The following RGS6 variants were observed in gnomAD, a reference collection of about 807,000 sequenced individuals.
RGS6 encodes the protein regulator of G protein signaling 6.
A neutral mutation model predicts 78.5 loss-of-function variants in RGS6; 30 were observed. The ratio of observed to expected loss-of-function variants is 0.38; its 90% CI spans 0.29 to 0.52. The LOEUF (loss-of-function observed/expected upper bound fraction) is 0.52. Ranked by LOEUF, RGS6 falls within the 20% of genes least tolerant of loss-of-function variation. The probability of loss-of-function intolerance (pLI) is 0.85; values close to 1 mark genes in which losing one functional copy is unlikely to be tolerated. For missense variants in RGS6, 495 were observed against 609.7 expected, an observed-to-expected ratio of 0.81 and a Z score of 1.98; for synonymous variants, 206 against 206.0, an observed-to-expected ratio of 1.00 and a Z score of 0.00.
intron 2 of RGS6, among the ~76,000 whole-genome samples, chr14:72,054,680 T>C (rs1376610533): frequency 6.6e-6 from 1 of 152,218 alleles, no homozygotes; most frequent in Non-Finnish European, 1.5e-5. Flanking sequence ...CATTATTCTT[T>C]TATACCCCTA....
At chr14:72,045,433 A>T (rs1488416087) in intron 2 of RGS6, among the ~76,000 whole-genome samples, 1 of 152,192 alleles carries the variant, frequency 6.6e-6, no homozygotes, top group Non-Finnish European at 1.5e-5. Flanking sequence ...CTGTAGCTGT[A>T]GGTGCCAGAG....
At position 72,263,363 on chromosome 14, in the gene RGS6, G is replaced by A. The variant is rs182781705; in HGVS notation, c.85-88732G>A. ...GCTGGTGTTTCTCTGCAGACTCTCCGGACGACCCAGCCTTGTCACCACCTG... is the reference window on the plus strand; with the variant it reads ...GCTGGTGTTTCTCTGCAGACTCTCCAGACGACCCAGCCTTGTCACCACCTG... On this transcript the variant is annotated intron_variant, in intron 2 of 17. Transcript: ENST00000553525. Among the ~76,000 whole-genome samples the A allele has an allele frequency of 3.0e-4, 45 of 152,158 alleles. 1 individual carries two copies. The East Asian group carries it at 7.4e-3, about 25-fold the overall frequency.
intron 2 of RGS6, among the ~76,000 whole-genome samples, chr14:72,258,838 G>T (rs1369691861): frequency 6.6e-6 from 1 of 152,198 alleles, no homozygotes; most frequent in African/African-American, 2.4e-5. Context: ...TAAAAGCGGG[G>T]AAAGGGTCTA....
At chr14:71,937,398 C>T (rs893080197) in intron 1 of RGS6, among the ~76,000 whole-genome samples, 1 of 152,180 alleles carries the variant, frequency 6.6e-6, no homozygotes. Flanking sequence ...ACTTCCGCCC[C>T]TTGATTCCTG....
chr14:71,921,209 A>G, the RGS6 span, among the ~76,000 whole-genome samples: 9 of 152,216 alleles, frequency 5.9e-5, no homozygotes, highest in Non-Finnish European at 1.2e-4. Flanking sequence ...AATAAGTGTT[A>G]GCAAGGGTGT....
chr14:72,571,484 G>A (rs1049787968), downstream of RGS6, among the ~76,000 whole-genome samples: 1 of 152,206 alleles, frequency 6.6e-6, no homozygotes, highest in African/African-American at 2.4e-5. Context: ...CATATAGATA[G>A]ATGGAAAAGA....
chr14:71,988,861 C>T (rs1595740669), intron 2 of RGS6, among the ~76,000 whole-genome samples: 1 of 152,058 alleles, frequency 6.6e-6, no homozygotes, highest in Non-Finnish European at 1.5e-5. Flanking sequence ...TCCTGTACTA[C>T]AAAAAATATA....
the RGS6 span, among the ~76,000 whole-genome samples, chr14:71,878,982 A>G: frequency 4.6e-5 from 7 of 152,060 alleles, no homozygotes; most frequent in East Asian, 1.9e-4. Flanking sequence ...CACTGGGCAG[A>G]TATGTTCATG....
intron 2 of RGS6, among the ~76,000 whole-genome samples, chr14:71,995,766 T>A (rs1484252604): frequency 6.6e-6 from 1 of 152,200 alleles, no homozygotes; most frequent in Non-Finnish European, 1.5e-5. Flanking sequence ...ACGCACGGCA[T>A]ATTTACTTCT....
intron 12 of RGS6, among the ~76,000 whole-genome samples, chr14:72,481,877 C>T (rs1368833771): frequency 2.7e-5 from 4 of 145,704 alleles, no homozygotes; most frequent in Admixed American, 1.4e-4. Flanking sequence ...GGTGCAATCT[C>T]GGCTCACTGC....
intron 15 of RGS6, among the ~76,000 whole-genome samples, chr14:72,533,423 T>G (rs1305220237): frequency 1.3e-5 from 2 of 152,268 alleles, no homozygotes; most frequent in African/African-American, 4.8e-5. Flanking sequence ...TTTTCATGAC[T>G]GCTAACACAA....
chr14:72,200,326 C>T (rs1041439230), intron 2 of RGS6, among the ~76,000 whole-genome samples: 1 of 152,220 alleles, frequency 6.6e-6, no homozygotes, highest in African/African-American at 2.4e-5. Context: ...CCCTGCTTTT[C>T]GGAACCCGCT....
At chr14:72,577,470 C>T in the RGS6 span, among the ~76,000 whole-genome samples, 1 of 152,220 alleles carries the variant, frequency 6.6e-6, no homozygotes, top group African/African-American at 2.4e-5. Flanking sequence ...TATATTGGGT[C>T]CTTTTTACCC....
chr14:72,368,832 C>G (rs1446861693), intron 3 of RGS6, among the ~76,000 whole-genome samples: 1 of 152,098 alleles, frequency 6.6e-6, no homozygotes, highest in Non-Finnish European at 1.5e-5. Flanking sequence ...TAATGGCCCC[C>G]CAAAATATCA....
chr14:72,278,776 C>T (rs1236859334), intron 2 of RGS6, among the ~76,000 whole-genome samples: 1 of 152,054 alleles, frequency 6.6e-6, no homozygotes, highest in African/African-American at 2.4e-5. Flanking sequence ...TCAGTTGGCA[C>T]CTGCTGCATA....
chr14:72,023,281 C>T (rs77707992), intron 2 of RGS6, among the ~76,000 whole-genome samples: 3,827 of 152,258 alleles, frequency 0.025, 72 homozygotes, highest in Middle Eastern at 0.068. Flanking sequence ...TTCTAAATTG[C>T]CTTCCGGCTA....
intron 2 of RGS6, among the ~76,000 whole-genome samples, chr14:72,294,299 T>C (rs920302675): frequency 6.6e-6 from 1 of 152,202 alleles, no homozygotes; most frequent in African/African-American, 2.4e-5. Context: ...GGTTCAAACA[T>C]GGCTGCCTTA....
intron 3 of RGS6, among the ~76,000 whole-genome samples, chr14:72,433,481 C>T (rs1385290496): frequency 1.3e-5 from 2 of 151,718 alleles, no homozygotes; most frequent in African/African-American, 4.8e-5. Flanking sequence ...GCACATGTTA[C>T]CCCAGAACTT....
chr14:72,480,070 T>A (rs1290812825), intron 12 of RGS6, among the ~76,000 whole-genome samples: 1 of 152,110 alleles, frequency 6.6e-6, no homozygotes, highest in Non-Finnish European at 1.5e-5. Flanking sequence ...GGTTAAAAAA[T>A]GGAAATTCCC....
Sources: allele counts gnomAD v4.1 joint callset (sites outside exome capture counted in the v4.1 genomes callset), GRCh38; gene constraint gnomAD v4.1.1; transcripts MANE v1.5; gene names NCBI Gene and HGNC (gene_info 2026-07-23, HGNC 2026-07-21).